The following ADCY9 variants were observed in gnomAD, a reference collection of about 807,000 sequenced individuals.
The protein encoded by ADCY9 is adenylate cyclase 9.
In ADCY9, 50 loss-of-function variants were observed where a neutral mutation model predicts 101.5. The observed-to-expected ratio is 0.49, with a 90% confidence interval of 0.39 to 0.62. The LOEUF (loss-of-function observed/expected upper bound fraction) is 0.62, where lower values mean the gene tolerates loss of function less well. Ranked by LOEUF, ADCY9 falls within the 20% of genes least tolerant of loss-of-function variation. ADCY9 has a pLI of 0.00. For missense variants in ADCY9, 1,662 were observed against 1,800.4 expected (o/e 0.92, Z 1.39); for synonymous variants, 905 against 769.3 (o/e 1.18, Z -2.92).
chr16:4,060,486 T>C (rs546845582), intron 2 of ADCY9, among the ~76,000 whole-genome samples: 26 of 152,158 alleles, frequency 1.7e-4, no homozygotes, highest in Non-Finnish European at 3.2e-4. Flanking sequence ...TCCCTAAACG[T>C]ACACACATAT....
At chr16:4,064,931 C>G (rs2056791995) in intron 2 of ADCY9, among the ~76,000 whole-genome samples, 1 of 152,196 alleles carries the variant, frequency 6.6e-6, no homozygotes, top group Non-Finnish European at 1.5e-5. Context: ...CCAGTCCACT[C>G]CTGATTCATG....
chr16:4,110,351 A>G (rs1231155910), intron 2 of ADCY9, among the ~76,000 whole-genome samples: 1 of 144,156 alleles, frequency 6.9e-6, no homozygotes, highest in African/African-American at 2.5e-5. Flanking sequence ...AGCTCAGGGC[A>G]GTTTTGCAAT....
intron 2 of ADCY9, among the ~76,000 whole-genome samples, chr16:4,112,611 C>T (rs1287240838): frequency 6.6e-6 from 1 of 152,004 alleles, no homozygotes; most frequent in Non-Finnish European, 1.5e-5. Flanking sequence ...CTGATTGGAA[C>T]TATTAATTAC....
intron 2 of ADCY9, among the ~76,000 whole-genome samples, chr16:4,042,534 G>C (rs75352391): frequency 0.021 from 3,161 of 152,160 alleles, 118 homozygotes; most frequent in African/African-American, 0.073. Context: ...TGTTAAAATA[G>C]GATTTAATTT....
intron 10 of ADCY9, among the ~76,000 whole-genome samples, chr16:3,973,247 C>T (rs190871158): frequency 3.3e-5 from 5 of 152,082 alleles, no homozygotes; most frequent in African/African-American, 7.2e-5. Context: ...CTCACTCTGT[C>T]GCCCAGGCTG....
chr16:3,975,252 A>G (rs1361270648), intron 9 of ADCY9, among the ~76,000 whole-genome samples: 1 of 152,166 alleles, frequency 6.6e-6, no homozygotes, highest in Non-Finnish European at 1.5e-5. Flanking sequence ...ATCGTTCTAG[A>G]TGGCCATACC....
At chr16:4,016,525 C>T (rs896144373) in intron 2 of ADCY9, among the ~76,000 whole-genome samples, 1 of 152,176 alleles carries the variant, frequency 6.6e-6, no homozygotes, top group Non-Finnish European at 1.5e-5. Context: ...AGAGAGCTAA[C>T]AGCTCATCCG....
At position 3,963,391 on chromosome 16, in the gene ADCY9, C is replaced by T. The variant is rs2055956961; in HGVS notation, c.*2384G>A. The T allele has an allele frequency of 2.5e-6, 1 of 398,808 alleles. No individual in the cohort carries two copies. The highest frequency in any genetic ancestry group is 4.4e-6 in the Non-Finnish European group (1 of 225,944). The allele number at this position is 398,808 out of a possible 1,614,324, so 24.7% of individuals were successfully genotyped here. On this transcript the variant is annotated 3_prime_UTR_variant, in exon 11 of 11. Transcript: ENST00000294016. ...GCACGGCGTTTCCGCTGCAGAGATT[C>T]TGTGGTTCTGCACTGAGGTATGCAT...
At chr16:4,019,311 T>G (rs776800699) in intron 2 of ADCY9, among the ~76,000 whole-genome samples, 1 of 152,196 alleles carries the variant, frequency 6.6e-6, no homozygotes, top group East Asian at 1.9e-4. Context: ...CTCAAGGTGT[T>G]GCTGCACATT....
At position 4,114,741 on chromosome 16, in the gene ADCY9, G is replaced by A. The variant is rs1405795399; in HGVS notation, c.702C>T (p.Leu234=). The change falls in exon 2 of 11, where the codon CTC becomes CTT. Residue 234 remains leucine, a synonymous_variant. Transcript: ENST00000294016. The surrounding 1 kb of genome is among the most constrained non-coding windows in gnomAD (Gnocchi z 4.3). ...ACAAAGGTAAGTGCATGACGGTATA[G>A]AGCAAAAAGAGCACTTCGATGCACA... ...FSMCIEVLFL[L]YTVMHLPLYL... The A allele has an allele frequency of 6.2e-7, 1 of 1,613,178 alleles. No homozygotes were observed. Among genetic ancestry groups the A allele is most frequent in the East Asian group, 2.2e-5 (1 of 44,890 alleles).
chr16:4,079,891 T>C (rs2056891297), intron 2 of ADCY9, among the ~76,000 whole-genome samples: 1 of 152,100 alleles, frequency 6.6e-6, no homozygotes, highest in African/African-American at 2.4e-5. Context: ...ATCTGTCTTT[T>C]CTAAAACACC....
chr16:3,995,455 GTA>G (rs1369336524), intron 3 of ADCY9, among the ~76,000 whole-genome samples: 1 of 151,872 alleles, frequency 6.6e-6, no homozygotes, highest in East Asian at 1.9e-4. Context: ...AATGAAATAA[GTA>G]TATATATAGC....
intron 2 of ADCY9, among the ~76,000 whole-genome samples, chr16:4,039,309 C>T (rs956625522): frequency 1.2e-4 from 18 of 152,162 alleles, no homozygotes; most frequent in Admixed American, 1.0e-3. Context: ...CGTTTCCTTG[C>T]CATTTTAGGT....
At chr16:3,996,680 C>A (rs957731327) in intron 3 of ADCY9, among the ~76,000 whole-genome samples, 19 of 152,186 alleles carry the variant, frequency 1.2e-4, no homozygotes, top group Non-Finnish European at 2.9e-5. Flanking sequence ...AATATGAAAA[C>A]TTCTGTTAAC....
intron 2 of ADCY9, among the ~76,000 whole-genome samples, chr16:4,073,007 A>AAAG (rs751397739): frequency 3.3e-5 from 5 of 151,056 alleles, no homozygotes; most frequent in African/African-American, 7.3e-5. Flanking sequence ...AAAAAAAAAA[A>AAAG]AAAGAAACAA....
intron 3 of ADCY9, among the ~76,000 whole-genome samples, chr16:3,996,877 T>G (rs1200445877): frequency 6.6e-6 from 1 of 152,112 alleles, no homozygotes; most frequent in Non-Finnish European, 1.5e-5. Context: ...GTTTGTTTGT[T>G]TTTTTGGGAC....
chr16:3,972,384 C>G (rs1247989299), intron 10 of ADCY9, among the ~76,000 whole-genome samples: 1 of 152,008 alleles, frequency 6.6e-6, no homozygotes, highest in Non-Finnish European at 1.5e-5. Flanking sequence ...TGCCCGCCAC[C>G]ACGTCCAGCT....
chr16:3,982,513 G>T (rs1342516168), intron 7 of ADCY9: 1 of 152,304 alleles, frequency 6.6e-6, no homozygotes, highest in Admixed American at 6.5e-5. Context: ...CAGAGCCGCT[G>T]CGAGCCCCCT....
chr16:3,996,112 G>T (rs1164293800), intron 3 of ADCY9, among the ~76,000 whole-genome samples: 1 of 152,170 alleles, frequency 6.6e-6, no homozygotes, highest in Non-Finnish European at 1.5e-5. Flanking sequence ...TGTAATCCCA[G>T]AACTTTGGGA....
Sources: allele counts gnomAD v4.1 joint callset (sites outside exome capture counted in the v4.1 genomes callset), GRCh38; gene constraint gnomAD v4.1.1; non-coding constraint Gnocchi (gnomAD v3.1); transcripts MANE v1.5; gene names NCBI Gene and HGNC (gene_info 2026-07-23, HGNC 2026-07-21).